The following GFY variants were observed in gnomAD, a reference collection of about 807,000 sequenced individuals.
GFY encodes golgi associated olfactory signaling regulator.
GFY carries 28 observed loss-of-function variants against 29.1 expected under a neutral mutation model. The ratio of observed to expected loss-of-function variants is 0.96; its 90% CI spans 0.71 to 1.32. The LOEUF (loss-of-function observed/expected upper bound fraction) is 1.32. Among genes scored for constraint, GFY ranks in the 40% most tolerant of loss-of-function variants. GFY has a pLI of 0.00. For missense variants in GFY, 656 were observed against 661.9 expected, an observed-to-expected ratio of 0.99 and a Z score of 0.10; for synonymous variants, 277 against 274.5, an observed-to-expected ratio of 1.01 and a Z score of -0.09.
intron 3 of GFY, 45 bp from the exon 4 acceptor site, chr19:49,428,574 C>T (rs1334934334): frequency 3.7e-6 from 5 of 1,369,228 alleles, no homozygotes; most frequent in Middle Eastern, 1.9e-4. Context: ...GGAAGGGGGC[C>T]TGGAGGGTCA....
chr19:49,427,396 C>T lies in GFY; in HGVS notation c.966C>T (p.Pro322=), dbSNP rs1203561653. The T allele has an allele frequency of 1.3e-6, 2 of 1,535,900 alleles. No individual in the cohort carries two copies. The highest frequency in any genetic ancestry group is 2.7e-5 in the African/African-American group (2 of 73,054). The change falls in exon 2 of 4, where the codon CCC becomes CCT. Residue 322 remains proline, a synonymous_variant. Coordinates refer to ENST00000610896, the MANE Select transcript of GFY (RefSeq NM_001195256.2). ...AAIQPDSPKL[P]TSDSPGMVEL... is the part of the protein sequence containing the mutation. ...TCCAGCCCGACTCCCCAAAATTGCC[C>T]ACTTCAGATTCTCCAGGAATGGTTG...
rs752060266 is a variant in GFY at position 49,427,098 on chromosome 19, A to G, written c.668A>G (p.Glu223Gly). The G allele has an allele frequency of 4.6e-6, 7 of 1,535,506 alleles. No homozygotes were observed. The highest frequency in any genetic ancestry group is 5.2e-6 in the Non-Finnish European group (6 of 1,146,804). The stretch of plus-strand genomic sequence containing the variant: ...GAAAAGCATGACCTCAACTCCACTG[A>G]GACCCCAAACTCTGAATTTCTCCAA... ...SPEKHDLNST[E>G]TPNSEFLQAL... The change falls in exon 2 of 4, where the codon GAG becomes GGG. Residue 223 changes from glutamate to glycine, a missense_variant. Coordinates refer to ENST00000610896, the MANE Select transcript of GFY (RefSeq NM_001195256.2).
rs949738181 is a variant in GFY at position 49,427,417 on chromosome 19, G to A, written c.987G>A (p.Met329Ile). Reference sequence around the variant, plus strand: ...TGCCCACTTCAGATTCTCCAGGAATGGTTGAGCTGAAGGCCCCCCAGAACT... The same window carrying A: ...TGCCCACTTCAGATTCTCCAGGAATAGTTGAGCTGAAGGCCCCCCAGAACT... ...PKLPTSDSPG[M>I]VELKAPQNSG... is the part of the protein sequence containing the mutation. The change falls in exon 2 of 4, where the codon ATG (methionine) becomes ATA (isoleucine). Residue 329 changes from methionine to isoleucine, a missense_variant. Physicochemically the swap from Met to Ile is conservative, Grantham distance 10. Coordinates refer to ENST00000610896, the MANE Select transcript of GFY (RefSeq NM_001195256.2). The A allele has an allele frequency of 1.3e-6, 2 of 1,535,804 alleles. No individual in the cohort carries two copies. Among genetic ancestry groups the A allele is most frequent in the East Asian group, 2.4e-5 (1 of 40,924 alleles).
chr19:49,425,596 G>A (rs1190738288), intron 1 of GFY, 107 bp downstream of exon 1: 2 of 152,334 alleles, frequency 1.3e-5, no homozygotes, highest in African/African-American at 4.8e-5. Flanking sequence ...TGGCCCCGGA[G>A]ATGCCGAAAT....
chr19:49,425,115 G>A (rs1019227842), upstream of GFY, among the ~76,000 whole-genome samples: 3 of 151,782 alleles, frequency 2.0e-5, no homozygotes, highest in Non-Finnish European at 4.4e-5. Flanking sequence ...TCTGGGGGGA[G>A]GGAGCTGGGG....
In GFY at chr19:49,428,043, G is replaced by C; in HGVS notation, c.1281G>C (p.Leu427=). Reference sequence around the variant, plus strand: ...TGCTGATCGGCATCTTTGTGCTGCTGTGGTGTCTTTACCGCCGGGCAGCTA... The same window carrying C: ...TGCTGATCGGCATCTTTGTGCTGCTCTGGTGTCTTTACCGCCGGGCAGCTA... The part of the protein sequence containing the change: ...TALLIGIFVL[L]WCLYRRAARQ... The change falls in exon 3 of 4, where the codon CTG becomes CTC. Residue 427 remains leucine (L), a synonymous_variant. Coordinates refer to ENST00000610896, the MANE Select transcript of GFY (RefSeq NM_001195256.2). 6.5e-7 allele frequency: 1 copy of C among 1,535,942 alleles called. No individual in the cohort carries two copies. The highest frequency in any genetic ancestry group is 8.7e-7 in the Non-Finnish European group (1 of 1,146,740).
chr19:49,427,173 C>G lies in GFY; in HGVS notation c.743C>G (p.Thr248Ser). 6.5e-7 allele frequency: 1 copy of G among 1,535,988 alleles called. No homozygotes were observed. The highest frequency in any genetic ancestry group is 8.7e-7 in the Non-Finnish European group (1 of 1,146,884). ...SKTPHPESHV[T>S]HNPSPTEISQ... ...ACCCCCCACCCAGAATCCCATGTGA[C>G]CCACAATCCCAGCCCCACCGAAATT... Residue 248 changes from threonine to serine, a missense_variant, in exon 2 of 4, where the codon ACC becomes AGC. Coordinates refer to ENST00000610896, the MANE Select transcript of GFY (RefSeq NM_001195256.2).
In GFY at chr19:49,428,625, A is replaced by G. The variant is rs1568632389; in HGVS notation, c.1364A>G (p.His455Arg). The change falls in exon 4 of 4, where the codon CAT becomes CGT. Residue 455 changes from histidine to arginine, a missense_variant. By Grantham distance (29) the His-to-Arg change is conservative. Transcript: ENST00000610896. ...LPDDGDEPVL[H>R]LDAPKDPYDL... is the part of the protein sequence containing the mutation. ...CGCCCCTTTGCACCCACAGTTCTGC[A>G]TTTGGACGCCCCGAAAGACCCCTAC... 2.7e-6 allele frequency: 4 copies of G among 1,489,192 alleles called. No homozygotes were observed. The highest frequency in any genetic ancestry group is 3.6e-6 in the Non-Finnish European group (4 of 1,119,974). The allele number at this position is 1,489,192 out of a possible 1,614,324, so 92.2% of individuals were successfully genotyped here.
In GFY at chr19:49,427,333, GCTGTCC is replaced by G; in HGVS notation, c.907_912del (p.Ser303_Leu304del). 2.0e-6 allele frequency: 3 copies of G among 1,536,178 alleles called. No individual in the cohort carries two copies. Among genetic ancestry groups the G allele is most frequent in the Non-Finnish European group, 2.6e-6 (3 of 1,146,916 alleles). ...AGGATGACGCCACTGCTCTAAATGA[GCTGTCC>G]CTGAATCCCAAACCAGGAACACCTG... On this transcript the variant is annotated inframe_deletion, in exon 2 of 4. Coordinates refer to ENST00000610896, the MANE Select transcript of GFY (RefSeq NM_001195256.2).
chr19:49,427,836 G>A, intron 2 of GFY, 110 bp from the exon 3 acceptor site: 1 of 1,377,682 alleles, frequency 7.3e-7, no homozygotes. Context: ...AGGGAGAAGG[G>A]TTTGGGAACA....
At chr19:49,426,187 G>C (rs1448578755) in intron 1 of GFY, among the ~76,000 whole-genome samples, 1 of 152,152 alleles carries the variant, frequency 6.6e-6, no homozygotes, top group Non-Finnish European at 1.5e-5. Context: ...AATTAACTAC[G>C]ACTCCCAAGT....
rs1600978013 is a variant in GFY at position 49,427,050 on chromosome 19, A to G, written c.620A>G (p.Lys207Arg). The G allele has an allele frequency of 6.5e-7, 1 of 1,535,510 alleles. No individual in the cohort carries two copies. The highest frequency in any genetic ancestry group is 2.4e-5 in the East Asian group (1 of 40,874). The change falls in exon 2 of 4, where the codon AAG (lysine) becomes AGG (arginine). Residue 207 changes from lysine (K) to arginine (R), a missense_variant. Physicochemically the swap from Lys to Arg is conservative, Grantham distance 26. Transcript: ENST00000610896. ...LPETSNTNPT[K>R]TPDPKSPEKH... ...GAGACCTCAAACACTAACCCTACCA[A>G]GACCCCTGACCCCAAATCCCCAGAA... is the stretch of plus-strand genomic sequence containing the variant.
chr19:49,428,179 A>G, intron 3 of GFY, 60 bp downstream of exon 3: 1 of 1,491,690 alleles, frequency 6.7e-7, no homozygotes, highest in Non-Finnish European at 9.0e-7. Context: ...TCCCGGCACT[A>G]CAGGGCGCCA....
chr19:49,426,693 C>G lies in GFY; in HGVS notation c.263C>G (p.Pro88Arg). 1 of 1,536,096 alleles carries G rather than the reference C, an allele frequency of 6.5e-7. No individual in the cohort carries two copies. The highest frequency in any genetic ancestry group is 8.7e-7 in the Non-Finnish European group (1 of 1,146,862). The part of the protein sequence containing the change: ...LETFPLDFTE[P>R]LNPDLRETPH... The stretch of plus-strand genomic sequence containing the variant: ...ACCTTCCCACTTGACTTCACTGAGC[C>G]CCTCAACCCTGACCTCCGAGAAACC... The change falls in exon 2 of 4, where the codon CCC becomes CGC. Residue 88 changes from proline (P) to arginine (R), a missense_variant. Physicochemically the swap from Pro to Arg is moderately radical, Grantham distance 103. Coordinates refer to ENST00000610896, the MANE Select transcript of GFY (RefSeq NM_001195256.2).
intron 3 of GFY, 91 bp from the exon 4 acceptor site, chr19:49,428,528 C>A: frequency 1.0e-6 from 1 of 982,098 alleles, no homozygotes; most frequent in Non-Finnish European, 1.4e-6. Context: ...GCCTCCTGAT[C>A]GGTCGGCCGC....
Position 49,427,703 on chromosome 19 carries a change from A to G in GFY, c.1183+90A>G, listed in dbSNP as rs7255794. On this transcript the variant is annotated intron_variant, in intron 2 of 3. Transcript: ENST00000610896. ...GAGGGAGGAGGGGCTGGGGGCCTGG[A>G]CTCCTGGGTGCGAGGGAGGAGGGGC... 3.7e-3 allele frequency: 1,841 copies of G among 492,626 alleles called. 35 individuals are homozygous for G. The African/African-American group carries it at 0.13, about 35-fold the overall frequency. 30.5% of individuals were successfully genotyped at this position (492,626 alleles called of 1,614,324 possible).
chr19:49,424,834 CA>C (rs35953128), upstream of GFY, among the ~76,000 whole-genome samples: 1,072 of 120,790 alleles, frequency 8.9e-3, 8 homozygotes, highest in East Asian at 0.031. Context: ...GACTCTGTCT[CA>C]AAAAAAAAAA....
In GFY at chr19:49,426,430, T is replaced by C; in HGVS notation, c.-1T>C. 6.5e-7 allele frequency: 1 copy of C among 1,532,556 alleles called. No homozygotes were observed. Among genetic ancestry groups the C allele is most frequent in the Non-Finnish European group, 8.7e-7 (1 of 1,144,810 alleles). 94.9% of individuals were successfully genotyped at this position (1,532,556 alleles called of 1,614,324 possible). A position where few individuals can be genotyped will look rare whatever the true frequency, so the allele number is the denominator to read the frequency against. On this transcript the variant is annotated 5_prime_UTR_variant, in exon 2 of 4. Coordinates refer to ENST00000610896, the MANE Select transcript of GFY (RefSeq NM_001195256.2). ...CGCAGCTATAGGTATCTGCCAGAGC[T>C]ATGAAATCATTCAGCCGGATCCTCT...
rs1415747147 is a variant in GFY, at chr19:49,427,314, A to G, written c.884A>G (p.Asp295Gly). 6.5e-7 allele frequency: 1 copy of G among 1,536,208 alleles called. No individual in the cohort carries two copies. Among genetic ancestry groups the G allele is most frequent in the South Asian group, 1.2e-5 (1 of 84,060 alleles). The change falls in exon 2 of 4, where the codon GAC becomes GGC. Residue 295 changes from aspartate (D) to glycine (G), a missense_variant. Physicochemically the swap from Asp to Gly is moderately conservative, Grantham distance 94. Transcript: ENST00000610896. ...GAAACACCTGTGCCCTTCAAGGATG[A>G]CGCCACTGCTCTAAATGAGCTGTCC... Reference protein sequence around the residue: ...YPETPVPFKDDATALNELSLN... With the variant: ...YPETPVPFKDGATALNELSLN...
Sources: allele counts gnomAD v4.1 joint callset (sites outside exome capture counted in the v4.1 genomes callset), GRCh38; gene constraint gnomAD v4.1.1; transcripts MANE v1.5; gene names NCBI Gene and HGNC (gene_info 2026-07-23, HGNC 2026-07-21).